Variants in SHANK2 observed in about 807,000 individuals in gnomAD.
SHANK2 encodes SH3 and multiple ankyrin repeat domains 2, also known as SH3 and multiple ankyrin repeat domains protein 2.
A neutral mutation model predicts 133.7 loss-of-function variants in SHANK2; 43 were observed. That is an observed-to-expected ratio of 0.32 (90% CI 0.25 to 0.41). The LOEUF (loss-of-function observed/expected upper bound fraction) is 0.41, where lower values mean the gene tolerates loss of function less well. Among genes scored for constraint, SHANK2 ranks in the 10% least tolerant of loss-of-function variants. The probability of loss-of-function intolerance (pLI) is 1.00; values close to 1 mark genes in which losing one functional copy is unlikely to be tolerated. For synonymous variants in SHANK2, 1,017 were observed against 952.8 expected (o/e 1.07, Z -1.24); for missense variants, 1,994 against 2,235.8 (o/e 0.89, Z 2.18).
intron 17 of SHANK2, among the ~76,000 whole-genome samples, chr11:70,638,913 T>C (rs781859887): frequency 6.6e-5 from 10 of 151,980 alleles, no homozygotes; most frequent in Admixed American, 1.3e-4. Context: ...AGGAGAAGCA[T>C]TTGAACACGG....
chr11:70,919,020 C>T lies in SHANK2; in HGVS notation c.1108-22453G>A, dbSNP rs140679568. Among the ~76,000 whole-genome samples the T allele has an allele frequency of 1.3e-3, 194 of 151,912 alleles. 5 individuals are homozygous for T. In the East Asian group the frequency reaches 0.031, roughly 24 times the overall value. ...TTCTACAAAAAAATTAAAAATGTACCGGGTGTGGTGGTACGCACCTGTGGT... is the reference window on the plus strand; with the variant it reads ...TTCTACAAAAAAATTAAAAATGTACTGGGTGTGGTGGTACGCACCTGTGGT... On this transcript the variant is annotated intron_variant, in intron 10 of 25. Transcript: ENST00000601538.
intron 11 of SHANK2, among the ~76,000 whole-genome samples, chr11:70,891,490 A>C (rs541034649): frequency 6.6e-6 from 1 of 152,284 alleles, no homozygotes; most frequent in East Asian, 1.9e-4. Context: ...TGACAGAGCA[A>C]GACTCTGTCT....
intron 8 of SHANK2, among the ~76,000 whole-genome samples, chr11:71,087,236 C>T (rs1951431293): frequency 6.6e-6 from 1 of 152,164 alleles, no homozygotes; most frequent in African/African-American, 2.4e-5. Flanking sequence ...GACTGATGGT[C>T]AGGGCTCCTG....
Position 70,485,221 on chromosome 11 carries a change from C to T in SHANK2, c.4979+93G>A, listed in dbSNP as rs750548610. On this transcript the variant is annotated intron_variant, in intron 25 of 25. Transcript: ENST00000601538. The surrounding 1 kb of genome is among the most constrained non-coding windows in gnomAD (Gnocchi z 5.8). ...CACAGGCTTTACGAATTCCCCTCTT[C>T]GTGTCCGCTGGGGCTGCTACCCGAG... is the stretch of plus-strand genomic sequence containing the variant. 10 of 1,077,384 alleles carry T rather than the reference C, an allele frequency of 9.3e-6. No homozygotes were observed. Among genetic ancestry groups the T allele is most frequent in the Middle Eastern group, 2.9e-4 (1 of 3,444 alleles). The allele number at this position is 1,077,384 out of a possible 1,614,324, so 66.7% of individuals were successfully genotyped here.
chr11:71,083,993 A>C (rs1257859977), intron 8 of SHANK2, among the ~76,000 whole-genome samples: 1 of 150,222 alleles, frequency 6.7e-6, no homozygotes, highest in East Asian at 2.0e-4. Context: ...GGGGGGAGAC[A>C]GAGTCTTGCT....
At chr11:70,928,540 C>A (rs1555082004) in intron 10 of SHANK2, among the ~76,000 whole-genome samples, 1 of 152,062 alleles carries the variant, frequency 6.6e-6, no homozygotes, top group Non-Finnish European at 1.5e-5. Context: ...GATGGGATCA[C>A]AGGGCCTCAG....
In SHANK2 at chr11:70,769,209, G is replaced by A. The variant is rs181317960; in HGVS notation, c.1777+29234C>T. Among the ~76,000 whole-genome samples the A allele has an allele frequency of 3.0e-3, 458 of 152,310 alleles. 4 individuals carry two copies. The highest frequency in any genetic ancestry group is 0.01 in the African/African-American group (432 of 41,568). ...AGTTCCAGTTCCGGTCTCCTTCAGC[G>A]GAGCGAGTGCAGCCCATCATCAGGG... On this transcript the variant is annotated intron_variant, in intron 14 of 25. Transcript: ENST00000601538.
intron 17 of SHANK2, among the ~76,000 whole-genome samples, chr11:70,522,307 T>A (rs1319957432): frequency 6.6e-6 from 1 of 152,236 alleles, no homozygotes; most frequent in African/African-American, 2.4e-5. Flanking sequence ...TATCTAGATT[T>A]GATTGATTGG....
chr11:70,918,805 C>A (rs1555080289), intron 10 of SHANK2, among the ~76,000 whole-genome samples: 1 of 152,180 alleles, frequency 6.6e-6, no homozygotes, highest in East Asian at 1.9e-4. Context: ...CCATGCCCAG[C>A]CTTAATTGAC....
intron 9 of SHANK2, among the ~76,000 whole-genome samples, chr11:71,060,535 C>G (rs1366905766): frequency 6.6e-6 from 1 of 152,232 alleles, no homozygotes; most frequent in Non-Finnish European, 1.5e-5. Flanking sequence ...GACAGCCCAG[C>G]AGGTTTCACA....
intron 11 of SHANK2, among the ~76,000 whole-genome samples, chr11:70,823,441 C>T (rs1555056534): frequency 8.6e-6 from 1 of 115,858 alleles, no homozygotes; most frequent in African/African-American, 3.4e-5. Context: ...GTGTCATTGG[C>T]AGAGGTCATA....
intron 17 of SHANK2, among the ~76,000 whole-genome samples, chr11:70,621,227 C>A (rs1453177255): frequency 6.6e-6 from 1 of 152,204 alleles, no homozygotes; most frequent in Non-Finnish European, 1.5e-5. Flanking sequence ...GTCCAAGGGG[C>A]AGTCCTAGAC....
At chr11:70,706,410 G>A (rs1945664426) in intron 14 of SHANK2, among the ~76,000 whole-genome samples, 1 of 152,102 alleles carries the variant, frequency 6.6e-6, no homozygotes, top group Admixed American at 6.5e-5. Flanking sequence ...GTCTGAATGG[G>A]GCAAGTTGGA....
At chr11:70,638,361 G>T (rs1425901075) in intron 17 of SHANK2, among the ~76,000 whole-genome samples, 1 of 152,212 alleles carries the variant, frequency 6.6e-6, no homozygotes, top group African/African-American at 2.4e-5. Flanking sequence ...TGCTTCTATT[G>T]TCACGGAACC....
intron 17 of SHANK2, among the ~76,000 whole-genome samples, chr11:70,599,090 T>C (rs932145203): frequency 6.6e-5 from 10 of 151,134 alleles, no homozygotes; most frequent in Non-Finnish European, 1.2e-4. Context: ...AAAAAGATAA[T>C]CAGTCGATAA....
chr11:70,761,828 C>T (rs564087882), intron 14 of SHANK2, among the ~76,000 whole-genome samples: 1 of 152,358 alleles, frequency 6.6e-6, no homozygotes, highest in African/African-American at 2.4e-5. Context: ...CAGATACCCC[C>T]AAACCTGAGC....
chr11:70,929,939 T>A (rs1696697432), intron 10 of SHANK2, among the ~76,000 whole-genome samples: 1 of 152,152 alleles, frequency 6.6e-6, no homozygotes, highest in Non-Finnish European at 1.5e-5. Flanking sequence ...AGGATACACA[T>A]CTGGTGTGAG....
At chr11:71,071,484 G>C (rs2135968813) in intron 9 of SHANK2, among the ~76,000 whole-genome samples, 1 of 152,354 alleles carries the variant, frequency 6.6e-6, no homozygotes, top group Admixed American at 6.5e-5. Flanking sequence ...AAGGGGAAGG[G>C]AGCATCAGCA....
intron 14 of SHANK2, among the ~76,000 whole-genome samples, chr11:70,747,140 TAA>T (rs1224585956): frequency 6.6e-6 from 1 of 151,524 alleles, no homozygotes; most frequent in Non-Finnish European, 1.5e-5. Context: ...CCCGAGGTGG[TAA>T]GACTCCGCTT....
Sources: gnomAD v4.1 joint callset for allele counts (sites outside exome capture counted in the v4.1 genomes callset) on GRCh38, gnomAD v4.1.1 for gene constraint, Gnocchi (gnomAD v3.1) non-coding constraint, MANE v1.5 for transcripts, NCBI Gene and HGNC (gene_info 2026-07-23, HGNC 2026-07-21) for gene names.